The following SPAG16 variants were observed in gnomAD, a reference collection of about 807,000 sequenced individuals.
SPAG16 encodes the protein sperm-associated antigen 16 protein.
In SPAG16, 86 loss-of-function variants were observed where a neutral mutation model predicts 80.4. The observed-to-expected ratio is 1.07, with a 90% CI of 0.90 to 1.28. The LOEUF is 1.28. SPAG16 is among the 50% of genes most tolerant of loss of function. The pLI is 0.00. For missense variants in SPAG16, 870 were observed against 765.3 expected, an observed-to-expected ratio of 1.14 and a Z score of -1.61; for synonymous variants, 294 against 265.9, an observed-to-expected ratio of 1.11 and a Z score of -1.03.
chr2:213,862,668 A>G, intron 11 of SPAG16, 40 bp downstream of exon 11: 1 of 1,607,200 alleles, frequency 6.2e-7, no homozygotes. Context: ...TAATCTCTCT[A>G]GGAATGTGCT....
At chr2:213,842,344 G>T (rs1301363161) in intron 10 of SPAG16, among the ~76,000 whole-genome samples, 1 of 151,982 alleles carries the variant, frequency 6.6e-6, no homozygotes, top group Non-Finnish European at 1.5e-5. Context: ...AAAATTTGGT[G>T]TTTATCTTCT....
intron 6 of SPAG16, among the ~76,000 whole-genome samples, chr2:213,344,409 AG>A (rs1343662116): frequency 6.6e-6 from 1 of 151,198 alleles, no homozygotes; most frequent in African/African-American, 2.4e-5. Context: ...TTTAAGTTTT[AG>A]GGTACATGTG....
chr2:213,315,108 C>T (rs1378740242), intron 4 of SPAG16, among the ~76,000 whole-genome samples: 1 of 151,610 alleles, frequency 6.6e-6, no homozygotes, highest in African/African-American at 2.4e-5. Flanking sequence ...CTAGAGTAAG[C>T]TTTGTAGGGA....
In SPAG16 at chr2:213,589,978, A is replaced by T. The variant is rs985723401; in HGVS notation, c.1070+99888A>T. ...GGACTCTGTGTGCTTTTCTGAGTTT[A>T]CATTTTGTCATCTAACCTCAGGAAT... is the stretch of plus-strand genomic sequence containing the variant. On this transcript the variant is annotated intron_variant, in intron 10 of 15. Coordinates refer to ENST00000331683, the MANE Select transcript of SPAG16 (RefSeq NM_024532.5). Among the ~76,000 whole-genome samples, 3 of 151,878 alleles carry T rather than the reference A, an allele frequency of 2.0e-5. No homozygotes were observed. In the East Asian group the frequency reaches 5.8e-4, roughly 29 times the overall value.
intron 5 of SPAG16, among the ~76,000 whole-genome samples, chr2:213,336,950 A>G (rs2064395744): frequency 6.6e-6 from 1 of 152,106 alleles, no homozygotes; most frequent in Non-Finnish European, 1.5e-5. Flanking sequence ...TCCACAGATA[A>G]CTCATATGGG....
intron 15 of SPAG16, among the ~76,000 whole-genome samples, chr2:214,328,957 ATT>A (rs35146206): frequency 6.6e-6 from 1 of 152,134 alleles, no homozygotes; most frequent in Non-Finnish European, 1.5e-5. Context: ...ACTAGCCTAA[ATT>A]TTTCATTATA....
At chr2:214,020,659 A>T (rs1438946285) in intron 13 of SPAG16, among the ~76,000 whole-genome samples, 1 of 152,180 alleles carries the variant, frequency 6.6e-6, no homozygotes, top group East Asian at 1.9e-4. Flanking sequence ...AAAGGAAAAA[A>T]TGTATGATGA....
At chr2:213,295,963 T>G in intron 1 of SPAG16, 101 bp from the exon 2 acceptor site, 10 of 926,274 alleles carry the variant, frequency 1.1e-5, no homozygotes, top group East Asian at 2.5e-5. Flanking sequence ...AACTTCCTGG[T>G]GAGATAGTTG....
intron 11 of SPAG16, among the ~76,000 whole-genome samples, chr2:213,894,577 C>A (rs375827907): frequency 6.6e-6 from 1 of 152,056 alleles, no homozygotes; most frequent in South Asian, 2.1e-4. Flanking sequence ...TTATTCAAAA[C>A]AGTACTGGAA....
chr2:213,753,263 C>T (rs183579019), intron 10 of SPAG16, among the ~76,000 whole-genome samples: 128 of 152,292 alleles, frequency 8.4e-4, no homozygotes, highest in African/African-American at 2.6e-3. Context: ...CCGCCTGCCT[C>T]GGCCTCCCAA....
intron 10 of SPAG16, among the ~76,000 whole-genome samples, chr2:213,853,137 G>A (rs960253482): frequency 7.2e-5 from 11 of 152,170 alleles, no homozygotes; most frequent in African/African-American, 2.7e-4. Flanking sequence ...AATAATTAGA[G>A]CCTGTGAACT....
intron 15 of SPAG16, among the ~76,000 whole-genome samples, chr2:214,244,560 C>T (rs1451512293): frequency 6.6e-6 from 1 of 151,896 alleles, no homozygotes; most frequent in Admixed American, 6.6e-5. Flanking sequence ...AAAAATCATA[C>T]ATTAAAATAC....
intron 10 of SPAG16, among the ~76,000 whole-genome samples, chr2:213,753,271 C>T (rs1327519303): frequency 6.6e-6 from 1 of 152,164 alleles, no homozygotes; most frequent in Non-Finnish European, 1.5e-5. Flanking sequence ...CTCGGCCTCC[C>T]AAAGTGCTGG....
intron 13 of SPAG16, among the ~76,000 whole-genome samples, chr2:214,037,908 T>A (rs1195330911): frequency 2.1e-5 from 3 of 144,026 alleles, no homozygotes; most frequent in Non-Finnish European, 1.6e-5. Context: ...TGTGTGTGTG[T>A]GTGTGTATCC....
intron 15 of SPAG16, among the ~76,000 whole-genome samples, chr2:214,230,586 G>A (rs1269532193): frequency 6.6e-6 from 1 of 151,968 alleles, no homozygotes; most frequent in African/African-American, 2.4e-5. Flanking sequence ...GATACAGTAG[G>A]TTGCTTTCAG....
intron 15 of SPAG16, among the ~76,000 whole-genome samples, chr2:214,332,230 C>T (rs1358704525): frequency 1.3e-5 from 2 of 152,190 alleles, no homozygotes; most frequent in Non-Finnish European, 1.5e-5. Context: ...CCAGCCTGGT[C>T]AACAGAGTGA....
intron 10 of SPAG16, among the ~76,000 whole-genome samples, chr2:213,724,800 AAG>A (rs869273347): frequency 0.26 from 22,032 of 85,388 alleles, 6,461 homozygotes; most frequent in Non-Finnish European, 0.33. Flanking sequence ...AAAAAAAAAA[AAG>A]AAAAAAGGAT....
At chr2:214,190,158 T>C (rs780710359) in intron 15 of SPAG16, among the ~76,000 whole-genome samples, 37 of 152,106 alleles carry the variant, frequency 2.4e-4, no homozygotes, top group Non-Finnish European at 4.4e-4. Flanking sequence ...GTTACTAGAA[T>C]ATGCTCCACG....
intron 14 of SPAG16, among the ~76,000 whole-genome samples, chr2:214,145,275 G>C (rs760932675): frequency 6.6e-6 from 1 of 151,964 alleles, no homozygotes; most frequent in South Asian, 2.1e-4. Context: ...TTACATAACA[G>C]TTGCCTCAAG....
Sources: gnomAD v4.1 joint callset for allele counts (sites outside exome capture counted in the v4.1 genomes callset) on GRCh38, gnomAD v4.1.1 for gene constraint, MANE v1.5 for transcripts, NCBI Gene and HGNC (gene_info 2026-07-23, HGNC 2026-07-21) for gene names.